The following CEP128 variants were observed in gnomAD, a reference collection of about 807,000 sequenced individuals.
CEP128 encodes centrosomal protein 128kDa.
A neutral mutation model predicts 156.7 loss-of-function variants in CEP128; 132 were observed. The ratio of observed to expected loss-of-function variants is 0.84; its 90% CI spans 0.73 to 0.97. CEP128 has a LOEUF of 0.97. Among genes scored for constraint, CEP128 ranks in the 50% least tolerant of loss-of-function variants. The pLI is 0.00. For missense variants in CEP128, 1,252 were observed against 1,281.9 expected (o/e 0.98, Z 0.36); for synonymous variants, 469 against 448.9 (o/e 1.04, Z -0.57).
chr14:80,873,734 C>A (rs1016475242), intron 8 of CEP128, among the ~76,000 whole-genome samples: 8 of 152,124 alleles, frequency 5.3e-5, no homozygotes, highest in Non-Finnish European at 1.0e-4. Flanking sequence ...ACAATTCCCA[C>A]GTGTCATGGG....
intron 2 of CEP128, among the ~76,000 whole-genome samples, chr14:80,918,598 G>A (rs1226785127): frequency 3.9e-5 from 6 of 152,134 alleles, no homozygotes; most frequent in African/African-American, 1.2e-4. Context: ...GGCTTTCTCT[G>A]TCCTCAACAC....
intron 20 of CEP128, among the ~76,000 whole-genome samples, chr14:80,576,964 T>C (rs952427897): frequency 1.3e-5 from 2 of 152,178 alleles, no homozygotes; most frequent in Admixed American, 1.3e-4. Flanking sequence ...TTACAGTTCG[T>C]TGAAAGGTAA....
intron 8 of CEP128, among the ~76,000 whole-genome samples, chr14:80,866,947 T>C (rs1595520285): frequency 6.6e-6 from 1 of 152,198 alleles, no homozygotes; most frequent in Non-Finnish European, 1.5e-5. Context: ...ACCCTATATA[T>C]ACCATGAACA....
At chr14:80,937,482 C>T (rs939288201) in intron 2 of CEP128, among the ~76,000 whole-genome samples, 2 of 151,818 alleles carry the variant, frequency 1.3e-5, no homozygotes, top group African/African-American at 4.8e-5. Flanking sequence ...TCCATTCATC[C>T]ATGAGCACAT....
intron 12 of CEP128, among the ~76,000 whole-genome samples, chr14:80,834,163 G>C (rs1885955721): frequency 6.6e-6 from 1 of 152,146 alleles, no homozygotes; most frequent in African/African-American, 2.4e-5. Flanking sequence ...CAAAAGCCAT[G>C]AGTAGGATAG....
At chr14:80,700,823 T>C (rs751035861) in intron 19 of CEP128, among the ~76,000 whole-genome samples, 2 of 152,062 alleles carry the variant, frequency 1.3e-5, no homozygotes, top group Non-Finnish European at 2.9e-5. Context: ...CTTCAGAAAA[T>C]AATATTGTTT....
At chr14:80,625,878 CTTTT>C (rs1203099968) in intron 19 of CEP128, among the ~76,000 whole-genome samples, 5 of 141,202 alleles carry the variant, frequency 3.5e-5, no homozygotes, top group South Asian at 4.6e-4. Flanking sequence ...TTTCTTCTTT[CTTTT>C]TGTTACTCTT....
intron 14 of CEP128, among the ~76,000 whole-genome samples, chr14:80,485,021 T>C (rs1887131364): frequency 6.6e-6 from 1 of 151,986 alleles, no homozygotes; most frequent in Non-Finnish European, 1.5e-5. Context: ...GGAATCAAGG[T>C]AGCATCAGAC....
rs576895139 is a variant in CEP128 at position 80,564,646 on chromosome 14, A to G, written c.2857-5344T>C. ...GGGTGTAGGCTGAACTAACTTTGGG[A>G]AGGAATTCAGTTCATGGTTTGACTC... On this transcript the variant is annotated intron_variant, in intron 20 of 24. Transcript: ENST00000555265. Among the ~76,000 whole-genome samples, 7 of 152,302 alleles carry G rather than the reference A, an allele frequency of 4.6e-5. No homozygotes were observed. In the East Asian group the frequency reaches 9.6e-4, roughly 21 times the overall value.
intron 19 of CEP128, among the ~76,000 whole-genome samples, chr14:80,624,751 G>C (rs1448733477): frequency 6.6e-6 from 1 of 151,902 alleles, no homozygotes; most frequent in African/African-American, 2.4e-5. Context: ...CAGACCCTTG[G>C]CCCATTTTTT....
chr14:80,751,271 GTTA>G (rs1899377726), intron 18 of CEP128, among the ~76,000 whole-genome samples: 3 of 152,028 alleles, frequency 2.0e-5, no homozygotes, highest in Non-Finnish European at 4.4e-5. Context: ...GCTAACTATA[GTTA>G]GATTTTTTTT....
At chr14:80,921,418 C>A (rs1884855502) in intron 2 of CEP128, among the ~76,000 whole-genome samples, 1 of 152,166 alleles carries the variant, frequency 6.6e-6, no homozygotes, top group Non-Finnish European at 1.5e-5. Flanking sequence ...ACAGTCCTCA[C>A]CAGTAAGAAG....
chr14:80,915,631 T>C (rs539130618), intron 3 of CEP128, among the ~76,000 whole-genome samples: 1 of 152,244 alleles, frequency 6.6e-6, no homozygotes, highest in Non-Finnish European at 1.5e-5. Flanking sequence ...CTAGCAAAAA[T>C]TAGCCTCTAA....
At chr14:80,532,071 C>A (rs1889252325) in intron 21 of CEP128, among the ~76,000 whole-genome samples, 1 of 152,124 alleles carries the variant, frequency 6.6e-6, no homozygotes. Context: ...ATCAATGCAT[C>A]ATATAGCATT....
At chr14:80,933,183 T>C (rs1276535199) in intron 2 of CEP128, among the ~76,000 whole-genome samples, 2 of 152,120 alleles carry the variant, frequency 1.3e-5, no homozygotes, top group Non-Finnish European at 2.9e-5. Context: ...CTGCCCATCA[T>C]TCGTGGTGTG....
chr14:80,860,105 A>G (rs1483706968), intron 9 of CEP128, among the ~76,000 whole-genome samples: 3 of 152,190 alleles, frequency 2.0e-5, no homozygotes, highest in Non-Finnish European at 2.9e-5. Context: ...AGGAATTTCC[A>G]TAAGTATTTT....
intron 2 of CEP128, chr14:80,955,479 C>A: frequency 1.5e-6 from 1 of 645,784 alleles, no homozygotes; most frequent in Non-Finnish European, 2.7e-6. Context: ...GTCAAGGTTG[C>A]CTAGGGAAGC....
intron 9 of CEP128, among the ~76,000 whole-genome samples, chr14:80,845,157 T>C (rs1886536455): frequency 1.3e-5 from 2 of 152,194 alleles, no homozygotes; most frequent in Non-Finnish European, 2.9e-5. Flanking sequence ...ATTCTTCAAA[T>C]GTTATAAATT....
At chr14:80,755,702 C>G (rs1320458715) in intron 18 of CEP128, among the ~76,000 whole-genome samples, 1 of 152,190 alleles carries the variant, frequency 6.6e-6, no homozygotes, top group Non-Finnish European at 1.5e-5. Flanking sequence ...CAGATCTTAT[C>G]TTCAATACTT....
Sources: allele counts gnomAD v4.1 joint callset (sites outside exome capture counted in the v4.1 genomes callset), GRCh38; gene constraint gnomAD v4.1.1; transcripts MANE v1.5; gene names NCBI Gene and HGNC (gene_info 2026-07-23, HGNC 2026-07-21).